The following N4BP2 variants were observed in gnomAD, a reference collection of about 807,000 sequenced individuals.
N4BP2 encodes NEDD4-binding protein 2.
A neutral mutation model predicts 152.8 loss-of-function variants in N4BP2; 91 were observed. The ratio of observed to expected loss-of-function variants is 0.60; its 90% CI spans 0.50 to 0.71. The LOEUF is 0.71. Ranked by LOEUF, N4BP2 falls within the 30% of genes least tolerant of loss-of-function variation. N4BP2 has a pLI of 0.00. For synonymous variants in N4BP2, 646 were observed against 705.3 expected (o/e 0.92, Z 1.33); for missense variants, 1,923 against 2,059.1 (o/e 0.93, Z 1.28).
chr4:40,128,669 A>G (rs984517259), intron 12 of N4BP2, among the ~76,000 whole-genome samples: 2 of 151,834 alleles, frequency 1.3e-5, no homozygotes. Flanking sequence ...CTGGGATTAC[A>G]GGCATGCGCC....
At position 40,142,741 on chromosome 4, in the gene N4BP2, C is replaced by A; in HGVS notation, c.4854C>A (p.Asp1618Glu). 1 of 1,613,850 alleles carries A rather than the reference C, an allele frequency of 6.2e-7. No homozygotes were observed. The highest frequency in any genetic ancestry group is 8.5e-7 in the Non-Finnish European group (1 of 1,179,866). The change falls in exon 15 of 18, where the codon GAC becomes GAA. Residue 1618 changes from aspartate to glutamate, a missense_variant. Transcript: ENST00000261435. ...ELSFQDFEYP[D>E]YDDYRAEAFL... is the part of the protein sequence containing the mutation. ...CTTTCCAGGACTTTGAGTACCCAGA[C>A]TATGATGACTACAGAGCAGAGGCTT...
intron 1 of N4BP2, among the ~76,000 whole-genome samples, chr4:40,070,815 G>C (rs1712089358): frequency 6.6e-6 from 1 of 151,628 alleles, no homozygotes; most frequent in Non-Finnish European, 1.5e-5. Flanking sequence ...ATTGCTGTGT[G>C]GTGTTTTTTT....
At position 40,124,206 on chromosome 4, in the gene N4BP2, G is replaced by A; in HGVS notation, c.4330+1G>A. The A allele has an allele frequency of 6.3e-7, 1 of 1,599,822 alleles. No individual in the cohort carries two copies. Among genetic ancestry groups the A allele is most frequent in the Non-Finnish European group, 8.5e-7 (1 of 1,170,166 alleles). On this transcript the variant is annotated splice_donor_variant, in intron 11 of 17. Coordinates refer to ENST00000261435, the MANE Select transcript of N4BP2 (RefSeq NM_018177.6). LOFTEE classifies it high-confidence loss of function. ...GTGTCTTGTGGCAAGTTTATGCAAG[G>A]TAAAGCACATGTTTTTATTTCTAAT...
chr4:40,167,328 A>T, the N4BP2 span: 1 of 152,226 alleles, frequency 6.6e-6, no homozygotes, highest in Non-Finnish European at 1.5e-5. Context: ...GCAGGTTGAA[A>T]GTGTTCACTA....
chr4:40,169,062 C>T, the N4BP2 span, among the ~76,000 whole-genome samples: 2 of 149,668 alleles, frequency 1.3e-5, no homozygotes, highest in East Asian at 4.2e-4. Context: ...TAACTAGTTA[C>T]AAAAATTTAT....
intron 7 of N4BP2, among the ~76,000 whole-genome samples, chr4:40,116,605 T>C (rs1717360686): frequency 1.3e-5 from 2 of 152,180 alleles, no homozygotes. Flanking sequence ...TCAATTTACA[T>C]GCTCTCATTG....
the N4BP2 span, among the ~76,000 whole-genome samples, chr4:40,164,444 T>C: frequency 6.6e-6 from 1 of 152,100 alleles, no homozygotes; most frequent in Non-Finnish European, 1.5e-5. Flanking sequence ...TGTGTACATA[T>C]TACCTAGAAA....
At chr4:40,188,078 A>G in the N4BP2 span, among the ~76,000 whole-genome samples, 2 of 152,194 alleles carry the variant, frequency 1.3e-5, no homozygotes, top group African/African-American at 2.4e-5. Context: ...TCTTTTTTGG[A>G]TGAGAATAAT....
At chr4:40,113,852 A>G (rs984123878) in intron 7 of N4BP2, among the ~76,000 whole-genome samples, 1 of 152,076 alleles carries the variant, frequency 6.6e-6, no homozygotes, top group Non-Finnish European at 1.5e-5. Context: ...TCTGCCTCCC[A>G]AAGTGCTGGG....
At chr4:40,162,726 G>C (rs768656449), downstream of N4BP2, among the ~76,000 whole-genome samples, 11 of 152,116 alleles carry the variant, frequency 7.2e-5, no homozygotes, top group Non-Finnish European at 1.3e-4. Flanking sequence ...TATGTATTAG[G>C]GTTCTCCAGA....
chr4:40,110,838 T>A (rs1177430902), intron 5 of N4BP2, among the ~76,000 whole-genome samples: 2 of 152,140 alleles, frequency 1.3e-5, no homozygotes, highest in African/African-American at 4.8e-5. Flanking sequence ...GTGCCCAGCC[T>A]CCTTTGCCCA....
chr4:40,092,278 C>G (rs1337294282), intron 2 of N4BP2, among the ~76,000 whole-genome samples: 1 of 150,332 alleles, frequency 6.7e-6, no homozygotes, highest in Non-Finnish European at 1.5e-5. Flanking sequence ...CTATTTGGCC[C>G]TGGAAATTTT....
chr4:40,153,986 C>T (rs1448606391), intron 17 of N4BP2, among the ~76,000 whole-genome samples: 1 of 152,132 alleles, frequency 6.6e-6, no homozygotes, highest in Non-Finnish European at 1.5e-5. Context: ...CAAGAGCAAC[C>T]TCCAGCTTTA....
chr4:40,116,317 C>T (rs1717328919), intron 7 of N4BP2, among the ~76,000 whole-genome samples: 1 of 152,008 alleles, frequency 6.6e-6, no homozygotes, highest in Admixed American at 6.6e-5. Context: ...TAGAATTATT[C>T]ATATAATTGA....
At chr4:40,067,654 C>T (rs1578942832) in intron 1 of N4BP2, among the ~76,000 whole-genome samples, 1 of 152,214 alleles carries the variant, frequency 6.6e-6, no homozygotes, top group South Asian at 2.1e-4. Flanking sequence ...ACCAGTAGTA[C>T]ACAAGGGTTC....
intron 2 of N4BP2, among the ~76,000 whole-genome samples, chr4:40,076,583 G>C (rs922156998): frequency 2.0e-5 from 3 of 152,226 alleles, no homozygotes; most frequent in African/African-American, 7.2e-5. Context: ...CCGCCTCCTG[G>C]GTTCATGCCA....
intron 1 of N4BP2, among the ~76,000 whole-genome samples, chr4:40,058,966 GAAAGCCACTACGCCCGGCT>G (rs1733438218): frequency 6.6e-6 from 1 of 152,028 alleles, no homozygotes; most frequent in Non-Finnish European, 1.5e-5. Context: ...GACTAGAGGC[GAAAGCCACTACGCCCGGCT>G]AATTTTTGTA....
rs370542521 is a variant in N4BP2, at chr4:40,140,885, G to T, written c.4786-1788G>T. ...ACCCTGAGTGGACACAGCACATGTT[G>T]CAGAGAGCACAGGGTTGGGGGTAAG... On this transcript the variant is annotated intron_variant, in intron 14 of 17. Transcript: ENST00000261435. Among the ~76,000 whole-genome samples the T allele has an allele frequency of 6.4e-3, 866 of 135,782 alleles. 4 individuals carry two copies. The highest frequency in any genetic ancestry group is 0.017 in the African/African-American group (608 of 36,794). The allele number at this position is 135,782 out of a possible 152,430, so 89.1% of individuals were successfully genotyped here. A position where few individuals can be genotyped will look rare whatever the true frequency, so the allele number is the denominator to read the frequency against.
Position 40,086,747 on chromosome 4 carries a change from ATTAT to A in N4BP2, c.-114-10471_-114-10468del, listed in dbSNP as rs529466309. 2.8e-3 allele frequency among the ~76,000 whole-genome samples: 433 copies of A among 152,132 alleles called. 4 individuals carry two copies. The highest frequency in any genetic ancestry group is 9.8e-3 in the African/African-American group (408 of 41,516). ...ATATATATTATATAGATTTAAAAAA[ATTAT>A]TTATTTATACTTTTGAGACAAGGTT... On this transcript the variant is annotated intron_variant, in intron 2 of 17. Coordinates refer to ENST00000261435, the MANE Select transcript of N4BP2 (RefSeq NM_018177.6).
Sources: allele counts gnomAD v4.1 joint callset (sites outside exome capture counted in the v4.1 genomes callset), GRCh38; gene constraint gnomAD v4.1.1; transcripts MANE v1.5; gene names NCBI Gene and HGNC (gene_info 2026-07-23, HGNC 2026-07-21).